The following GRIK4 variants were observed in gnomAD, a reference collection of about 807,000 sequenced individuals.
GRIK4 encodes glutamate receptor ionotropic, kainate 4.
In GRIK4, 40 loss-of-function variants were observed where a neutral mutation model predicts 104.9. That is an observed-to-expected ratio of 0.38 (90% confidence interval 0.30 to 0.50). GRIK4 has a LOEUF of 0.50. Among genes scored for constraint, GRIK4 ranks in the 20% least tolerant of loss-of-function variants. GRIK4 has a pLI of 0.93. For synonymous variants in GRIK4, 485 were observed against 524.9 expected (o/e 0.92, Z 1.04); for missense variants, 1,047 against 1,308.1 (o/e 0.80, Z 3.08).
intron 2 of GRIK4, among the ~76,000 whole-genome samples, chr11:120,659,565 G>C (rs1317361885): frequency 6.6e-6 from 1 of 152,128 alleles, no homozygotes; most frequent in East Asian, 1.9e-4. Flanking sequence ...CCTTGTGAAG[G>C]CCACACAACT....
intron 4 of GRIK4, 76 bp downstream of exon 4, chr11:120,802,933 C>A: frequency 8.0e-7 from 1 of 1,248,998 alleles, no homozygotes; most frequent in Admixed American, 1.8e-5. Context: ...CTGCACCTAT[C>A]AGTCACCAGG....
At chr11:120,748,002 T>G (rs1335660025) in intron 3 of GRIK4, among the ~76,000 whole-genome samples, 2 of 152,198 alleles carry the variant, frequency 1.3e-5, no homozygotes, top group Non-Finnish European at 2.9e-5. Context: ...ATTACGCTTA[T>G]CACTGCCAGG....
chr11:120,622,642 C>T (rs746248987), intron 1 of GRIK4, among the ~76,000 whole-genome samples: 3 of 152,172 alleles, frequency 2.0e-5, no homozygotes, highest in Admixed American at 6.5e-5. Flanking sequence ...AACAAATGAC[C>T]GGAAGCCAAG....
chr11:120,730,601 G>A (rs901735362), intron 3 of GRIK4, among the ~76,000 whole-genome samples: 6 of 151,888 alleles, frequency 4.0e-5, no homozygotes, highest in African/African-American at 1.5e-4. Context: ...TTTCCGTGAA[G>A]AATGTAATTG....
chr11:120,749,558 G>A (rs973285739), intron 3 of GRIK4, among the ~76,000 whole-genome samples: 1 of 152,228 alleles, frequency 6.6e-6, no homozygotes, highest in Non-Finnish European at 1.5e-5. Context: ...GCAAGACAGA[G>A]CAGAGGAACT....
intron 1 of GRIK4, among the ~76,000 whole-genome samples, chr11:120,568,813 C>T (rs539124870): frequency 4.6e-5 from 7 of 152,278 alleles, no homozygotes; most frequent in East Asian, 1.9e-4. Flanking sequence ...CAGTAATTAA[C>T]GTGTCCCTTT....
intron 1 of GRIK4, among the ~76,000 whole-genome samples, chr11:120,598,059 A>C (rs1441115729): frequency 6.6e-6 from 1 of 152,188 alleles, no homozygotes; most frequent in Non-Finnish European, 1.5e-5. Context: ...TTTTAACAAC[A>C]GACTTCCCCT....
intron 3 of GRIK4, among the ~76,000 whole-genome samples, chr11:120,753,875 C>A (rs183699053): frequency 6.6e-6 from 1 of 152,094 alleles, no homozygotes; most frequent in African/African-American, 2.4e-5. Context: ...TGTATTTAAC[C>A]GTTAGGCAAG....
At chr11:120,536,563 T>C (rs1947978222) in intron 1 of GRIK4, among the ~76,000 whole-genome samples, 1 of 152,188 alleles carries the variant, frequency 6.6e-6, no homozygotes, top group Admixed American at 6.6e-5. Flanking sequence ...AGGTACTCGC[T>C]TAGTCACGTG....
intron 1 of GRIK4, among the ~76,000 whole-genome samples, chr11:120,616,131 C>T (rs2135155740): frequency 6.6e-6 from 1 of 152,216 alleles, no homozygotes; most frequent in South Asian, 2.1e-4. Context: ...CCTGGCCTTA[C>T]ATCTTTGTTG....
intron 3 of GRIK4, among the ~76,000 whole-genome samples, chr11:120,666,933 G>T (rs920379221): frequency 2.3e-5 from 3 of 131,530 alleles, no homozygotes; most frequent in Admixed American, 7.1e-5. Flanking sequence ...CTATTTTGGT[G>T]GGGGGTGTTG....
intron 11 of GRIK4, among the ~76,000 whole-genome samples, chr11:120,878,867 A>G (rs903533674): frequency 2.0e-5 from 3 of 152,190 alleles, no homozygotes; most frequent in Non-Finnish European, 4.4e-5. Flanking sequence ...TTCCAGGTGG[A>G]AGGAATGTCA....
intron 13 of GRIK4, among the ~76,000 whole-genome samples, chr11:120,913,903 A>G (rs554235493): frequency 6.6e-6 from 1 of 151,776 alleles, no homozygotes; most frequent in East Asian, 1.9e-4. Flanking sequence ...ATTACTTTTC[A>G]CCTTGAAGCC....
chr11:120,519,865 G>GTTTTTT (rs1311313035), intron 1 of GRIK4, among the ~76,000 whole-genome samples: 118 of 102,426 alleles, frequency 1.2e-3, no homozygotes, highest in Middle Eastern at 5.7e-3. Context: ...CTCACTACTG[G>GTTTTTT]TTTTTTTTTT....
chr11:120,979,532 T>G (rs1251564415), intron 19 of GRIK4, among the ~76,000 whole-genome samples: 2 of 152,190 alleles, frequency 1.3e-5, no homozygotes, highest in Non-Finnish European at 2.9e-5. Flanking sequence ...ATAATTCTGA[T>G]GTAGACCACT....
chr11:120,834,135 G>A (rs2087689672), intron 7 of GRIK4, among the ~76,000 whole-genome samples: 1 of 152,164 alleles, frequency 6.6e-6, no homozygotes, highest in Non-Finnish European at 1.5e-5. Context: ...ATGCTTTTAA[G>A]GATTCTGATA....
At chr11:120,776,983 C>T (rs909118520) in intron 3 of GRIK4, among the ~76,000 whole-genome samples, 6 of 152,098 alleles carry the variant, frequency 3.9e-5, no homozygotes, top group Admixed American at 6.5e-5. Flanking sequence ...CAGGGAGCTA[C>T]GAGGGGGGTG....
chr11:120,610,807 C>A (rs1949027421), intron 1 of GRIK4, among the ~76,000 whole-genome samples: 1 of 152,084 alleles, frequency 6.6e-6, no homozygotes, highest in Non-Finnish European at 1.5e-5. Context: ...CTAGGGAGGT[C>A]CCCCTCCCCA....
chr11:120,875,219 G>A lies in GRIK4; in HGVS notation c.1140G>A (p.Gln380=). ...CCAACTACGCTTTGAAAATCTTACA[G>A]TTCACAAGGAATGGTTTTCGGCAGG... ...QRSNYALKIL[Q]FTRNGFRQIG... The change falls in exon 11 of 21, where the codon CAG becomes CAA. Residue 380 remains glutamine, a synonymous_variant. Coordinates refer to ENST00000527524, the MANE Select transcript of GRIK4 (RefSeq NM_014619.5). 6.2e-7 allele frequency: 1 copy of A among 1,612,416 alleles called. No individual in the cohort carries two copies. The highest frequency in any genetic ancestry group is 1.1e-5 in the South Asian group (1 of 91,040).
Sources: gnomAD v4.1 joint callset for allele counts (sites outside exome capture counted in the v4.1 genomes callset) on GRCh38, gnomAD v4.1.1 for gene constraint, MANE v1.5 for transcripts, NCBI Gene and HGNC (gene_info 2026-07-23, HGNC 2026-07-21) for gene names.